PTK2: variants seen among roughly 807,000 people sequenced by gnomAD.
PTK2 encodes the protein protein tyrosine kinase 2, also known as focal adhesion kinase 1.
Under a neutral mutation model 150.1 loss-of-function variants are expected in PTK2, and 45 were observed. That is an observed-to-expected ratio of 0.30 (90% CI 0.24 to 0.38). PTK2 has a LOEUF of 0.38. Ranked by LOEUF, PTK2 falls within the 10% of genes least tolerant of loss-of-function variation. PTK2 has a pLI of 1.00. For missense variants in PTK2, 919 were observed against 1,307.3 expected, an observed-to-expected ratio of 0.70 and a Z score of 4.58; for synonymous variants, 432 against 449.2, an observed-to-expected ratio of 0.96 and a Z score of 0.48.
chr8:140,986,429 C>A (rs1296704941), intron 1 of PTK2, among the ~76,000 whole-genome samples: 2 of 152,274 alleles, frequency 1.3e-5, no homozygotes, highest in East Asian at 3.9e-4. Flanking sequence ...TTAAAAGCAA[C>A]CACAACCTGA....
At chr8:140,793,257 G>T in intron 13 of PTK2, 97 bp downstream of exon 13, 3 of 1,358,740 alleles carry the variant, frequency 2.2e-6, no homozygotes, top group Non-Finnish European at 2.0e-6. Context: ...CATGTATATT[G>T]AATTTAATTT....
intron 10 of PTK2, among the ~76,000 whole-genome samples, chr8:140,807,943 T>C (rs949289895): frequency 6.6e-6 from 1 of 152,030 alleles, no homozygotes; most frequent in Non-Finnish European, 1.5e-5. Flanking sequence ...TGGCAAGGCA[T>C]TGAGGGGTGG....
intron 2 of PTK2, among the ~76,000 whole-genome samples, chr8:140,912,470 CA>C (rs1412182263): frequency 6.6e-6 from 1 of 151,536 alleles, no homozygotes. Flanking sequence ...CCTCATTTCT[CA>C]AAAAATAAAG....
chr8:140,833,559 G>A (rs1267480740), intron 7 of PTK2, among the ~76,000 whole-genome samples: 1 of 152,154 alleles, frequency 6.6e-6, no homozygotes, highest in Admixed American at 6.5e-5. Context: ...CTCTCTCCAT[G>A]ATCTGTGTGT....
At chr8:140,793,733 T>TA (rs2100089959) in intron 12 of PTK2, among the ~76,000 whole-genome samples, 1 of 152,186 alleles carries the variant, frequency 6.6e-6, no homozygotes, top group Admixed American at 6.5e-5. Flanking sequence ...TGCACTTTGA[T>TA]AAAACTACTC....
chr8:140,872,411 T>C (rs2100143072), intron 4 of PTK2, among the ~76,000 whole-genome samples: 1 of 152,238 alleles, frequency 6.6e-6, no homozygotes, highest in African/African-American at 2.4e-5. Context: ...AATCAATATG[T>C]TGACCATAAG....
intron 2 of PTK2, among the ~76,000 whole-genome samples, chr8:140,902,226 G>T (rs571202696): frequency 4.5e-4 from 68 of 152,170 alleles, no homozygotes; most frequent in African/African-American, 1.6e-3. Flanking sequence ...TAAAGATGGG[G>T]TTTTGCCATG....
chr8:140,760,057 A>C (rs2100068495), intron 16 of PTK2, among the ~76,000 whole-genome samples: 1 of 152,098 alleles, frequency 6.6e-6, no homozygotes, highest in Admixed American at 6.6e-5. Flanking sequence ...CCCCGTCTCT[A>C]CTAAAAAAAC....
At chr8:140,963,581 CTTCAA>C (rs1038605018) in intron 1 of PTK2, among the ~76,000 whole-genome samples, 2 of 152,212 alleles carry the variant, frequency 1.3e-5, no homozygotes, top group Non-Finnish European at 2.9e-5. Context: ...ACAGTGCCCC[CTTCAA>C]TTCAACTTCT....
At chr8:140,841,509 A>C (rs1311380469) in intron 7 of PTK2, among the ~76,000 whole-genome samples, 2 of 152,158 alleles carry the variant, frequency 1.3e-5, no homozygotes, top group African/African-American at 2.4e-5. Flanking sequence ...GTTTCAAAAC[A>C]AACATTTAAC....
chr8:140,681,352 C>CA (rs545284003), intron 27 of PTK2, among the ~76,000 whole-genome samples: 10,391 of 120,156 alleles, frequency 0.086, 995 homozygotes, highest in African/African-American at 0.26. Context: ...GACTCCGTCT[C>CA]AAAAAAAAAA....
At chr8:140,942,482 C>T (rs1249966906) in intron 1 of PTK2, among the ~76,000 whole-genome samples, 1 of 152,106 alleles carries the variant, frequency 6.6e-6, no homozygotes, top group African/African-American at 2.4e-5. Context: ...AATCAGATTA[C>T]ATAAATGAAT....
At chr8:140,910,271 C>T (rs2100162596) in intron 2 of PTK2, among the ~76,000 whole-genome samples, 1 of 152,018 alleles carries the variant, frequency 6.6e-6, no homozygotes, top group African/African-American at 2.4e-5. Context: ...TCTAGCATCA[C>T]CCACAGAACA....
intron 1 of PTK2, among the ~76,000 whole-genome samples, chr8:140,939,601 C>T (rs2100174955): frequency 1.3e-5 from 2 of 152,206 alleles, no homozygotes; most frequent in Admixed American, 1.3e-4. Flanking sequence ...GCCTAGAAGT[C>T]ACATCTAGTC....
intron 2 of PTK2, among the ~76,000 whole-genome samples, chr8:140,900,371 A>G (rs973155836): frequency 1.1e-4 from 17 of 152,230 alleles, no homozygotes; most frequent in African/African-American, 4.1e-4. Context: ...CTAGGAGTCA[A>G]TTTAACCAAA....
At chr8:140,675,684 T>C (rs2100013208) in intron 27 of PTK2, 185 bp from the exon 31 acceptor site, 3 of 562,536 alleles carry the variant, frequency 5.3e-6, no homozygotes, top group Non-Finnish European at 9.5e-6. Flanking sequence ...AAGCAAATGA[T>C]GCCAATAGCA....
In PTK2 at chr8:140,927,905, G is replaced by T. The variant is rs1452354036; in HGVS notation, c.-121-2156C>A. ...GGTTGCAATGAGCCGAGATTGTCCA[G>T]CCTGGGCAACAAGAGCAAAACTCCA... On this transcript the variant is annotated intron_variant, in intron 1 of 31. Coordinates refer to ENST00000522684, the Ensembl canonical transcript of PTK2. Among the ~76,000 whole-genome samples the T allele has an allele frequency of 2.4e-5, 3 of 127,056 alleles. No homozygotes were observed. In the East Asian group the frequency reaches 7.2e-4, roughly 31 times the overall value. 83.4% of individuals were successfully genotyped at this position (127,056 alleles called of 152,430 possible). A position where few individuals can be genotyped will look rare whatever the true frequency, so the allele number is the denominator to read the frequency against.
chr8:140,910,268 T>A (rs2100162594), intron 2 of PTK2, among the ~76,000 whole-genome samples: 1 of 152,062 alleles, frequency 6.6e-6, no homozygotes. Flanking sequence ...CACTCTAGCA[T>A]CACCCACAGA....
intron 26 of PTK2, among the ~76,000 whole-genome samples, chr8:140,697,417 TG>T (rs1236446111): frequency 4.8e-5 from 1 of 20,644 alleles, no homozygotes; most frequent in African/African-American, 5.5e-4. Flanking sequence ...GAATACGGTT[TG>T]TGTGTGTGTG....
Sources: gnomAD v4.1 joint callset for allele counts (sites outside exome capture counted in the v4.1 genomes callset) on GRCh38, gnomAD v4.1.1 for gene constraint, MANE v1.5 for transcripts, NCBI Gene and HGNC (gene_info 2026-07-23, HGNC 2026-07-21) for gene names.